Variants in YWHAG observed in about 807,000 individuals in gnomAD.
YWHAG encodes tyrosine 3-monooxygenase/tryptophan 5-monooxygenase activation protein gamma.
YWHAG carries 1 observed loss-of-function variant against 23.3 expected under a neutral mutation model. The ratio of observed to expected loss-of-function variants is 0.04; its 90% CI spans 0.02 to 0.20. The LOEUF (loss-of-function observed/expected upper bound fraction) is 0.20. Ranked by LOEUF, YWHAG falls within the 10% of genes least tolerant of loss-of-function variation. The pLI, the probability that YWHAG is intolerant of heterozygous loss-of-function variation, is 1.00. For synonymous variants in YWHAG, 160 were observed against 144.0 expected (o/e 1.11, Z -0.80); for missense variants, 151 against 338.6 (o/e 0.45, Z 4.35).
At position 76,329,487 on chromosome 7, in the gene YWHAG, T is replaced by C. The variant is rs1583981252; in HGVS notation, c.*90A>G. ...TCTCCCTGGGAAGGTCATCCCTCCC[T>C]TTCCCTCCCCCACCCGACCCCCAAC... is the stretch of plus-strand genomic sequence containing the variant. On this transcript the variant is annotated 3_prime_UTR_variant, in exon 2 of 2. Transcript: ENST00000307630. The surrounding 1 kb of genome is among the most constrained non-coding windows in gnomAD (Gnocchi z 6.1). 1.3e-6 allele frequency: 1 copy of C among 744,078 alleles called. No individual in the cohort carries two copies. The highest frequency in any genetic ancestry group is 4.5e-5 in the East Asian group (1 of 22,306). The allele number at this position is 744,078 out of a possible 1,614,324, so 46.1% of individuals were successfully genotyped here.
intron 1 of YWHAG, among the ~76,000 whole-genome samples, chr7:76,348,031 G>A (rs1803809920): frequency 6.6e-6 from 1 of 152,178 alleles, no homozygotes; most frequent in South Asian, 2.1e-4. Context: ...TGTCCTAAAG[G>A]AAATGAGTTC....
intron 1 of YWHAG, among the ~76,000 whole-genome samples, chr7:76,335,249 G>A (rs943545123): frequency 6.6e-6 from 1 of 151,982 alleles, no homozygotes; most frequent in Admixed American, 6.6e-5. Context: ...ATAGAGACGG[G>A]GTTTCATCAT....
At chr7:76,336,616 G>C (rs961467919) in intron 1 of YWHAG, among the ~76,000 whole-genome samples, 1 of 151,904 alleles carries the variant, frequency 6.6e-6, no homozygotes, top group African/African-American at 2.4e-5. Context: ...CACCACGCCT[G>C]GCTAAATTTT....
intron 1 of YWHAG, among the ~76,000 whole-genome samples, chr7:76,357,431 T>C (rs1803977132): frequency 6.6e-6 from 1 of 152,206 alleles, no homozygotes; most frequent in Non-Finnish European, 1.5e-5. Context: ...AATATTAAGA[T>C]AGTGGGGGCC....
chr7:76,330,288 A>G, intron 1 of YWHAG, 55 bp from the exon 2 acceptor site: 2 of 1,548,770 alleles, frequency 1.3e-6, no homozygotes, highest in South Asian at 2.4e-5. Context: ...CACTGGGTTA[A>G]CTGTATCTTT....
At chr7:76,346,772 A>G (rs539505060) in intron 1 of YWHAG, among the ~76,000 whole-genome samples, 1 of 152,160 alleles carries the variant, frequency 6.6e-6, no homozygotes, top group East Asian at 1.9e-4. Flanking sequence ...ATCTCGCCAC[A>G]CCAAAAATTA....
chr7:76,350,817 C>T (rs1366995001), intron 1 of YWHAG, among the ~76,000 whole-genome samples: 1 of 152,040 alleles, frequency 6.6e-6, no homozygotes, highest in Non-Finnish European at 1.5e-5. Flanking sequence ...GCACTCCACC[C>T]TGAGCAATAG....
intron 1 of YWHAG, among the ~76,000 whole-genome samples, chr7:76,344,902 T>A (rs1315520656): frequency 6.6e-6 from 1 of 151,972 alleles, no homozygotes; most frequent in Non-Finnish European, 1.5e-5. Flanking sequence ...CCCTTCAGGC[T>A]TTAGTCCTTC....
Position 76,344,835 on chromosome 7 carries a change from C to T in YWHAG, c.87+13887G>A, listed in dbSNP as rs1169240663. Reference sequence around the variant, plus strand: ...GTCAAACTCTTGTAACCTCCCAGTCCCCACTCTTACCTATAAGACTTACTC... The same window carrying T: ...GTCAAACTCTTGTAACCTCCCAGTCTCCACTCTTACCTATAAGACTTACTC... On this transcript the variant is annotated intron_variant, in intron 1 of 1. Coordinates refer to ENST00000307630, the MANE Select transcript of YWHAG (RefSeq NM_012479.4). Among the ~76,000 whole-genome samples, 7 of 152,172 alleles carry T rather than the reference C, an allele frequency of 4.6e-5. No homozygotes were observed. The East Asian group carries it at 1.3e-3, about 29-fold the overall frequency.
intron 1 of YWHAG, among the ~76,000 whole-genome samples, chr7:76,357,148 C>T (rs1803973891): frequency 6.6e-6 from 1 of 152,208 alleles, no homozygotes; most frequent in South Asian, 2.1e-4. Context: ...AGCATTAAAA[C>T]CTTGTAAGAC....
chr7:76,327,066 C>T lies in YWHAG; in HGVS notation c.*2511G>A, dbSNP rs886489399. ...TAATTTCACCATGACAAACACCAGA[C>T]ATTAAGATTAAGCTAACACTGGTGT... On this transcript the variant is annotated 3_prime_UTR_variant, in exon 2 of 2. Coordinates refer to ENST00000307630, the MANE Select transcript of YWHAG (RefSeq NM_012479.4). 6.6e-6 allele frequency: 1 copy of T among 152,526 alleles called. No homozygotes were observed. Among genetic ancestry groups the T allele is most frequent in the African/African-American group, 2.4e-5 (1 of 41,420 alleles). 9.4% of individuals were successfully genotyped at this position (152,526 alleles called of 1,614,324 possible). A position where few individuals can be genotyped will look rare whatever the true frequency, so the allele number is the denominator to read the frequency against.
At position 76,327,668 on chromosome 7, in the gene YWHAG, G is replaced by GCCCCCCCCCCCCC. The variant is rs71085403; in HGVS notation, c.*1908_*1909insGGGGGGGGGGGGG. The GCCCCCCCCCCCCC allele has an allele frequency of 1.0e-3, 49 of 47,108 alleles. 1 individual carries two copies. The highest frequency in any genetic ancestry group is 1.6e-3 in the African/African-American group (13 of 7,894). 2.9% of individuals were successfully genotyped at this position (47,108 alleles called of 1,614,324 possible). A position where few individuals can be genotyped will look rare whatever the true frequency, so the allele number is the denominator to read the frequency against. On this transcript the variant is annotated 3_prime_UTR_variant, in exon 2 of 2. Transcript: ENST00000307630. ...AATTAGGGAAAGCCCCACCTACCCTGCCCCCCCCCCCCTCCCCCCCCAAAT... is the reference window on the plus strand; with the variant it reads ...AATTAGGGAAAGCCCCACCTACCCTGCCCCCCCCCCCCCCCCCCCCCCCCCTCCCCCCCCAAAT...
intron 1 of YWHAG, among the ~76,000 whole-genome samples, chr7:76,343,847 A>C (rs1289260754): frequency 6.6e-6 from 1 of 152,214 alleles, no homozygotes; most frequent in African/African-American, 2.4e-5. Context: ...GGGTGAGGCC[A>C]CTGCAGTTCA....
intron 1 of YWHAG, among the ~76,000 whole-genome samples, chr7:76,348,552 C>T (rs1361746622): frequency 2.6e-5 from 4 of 151,816 alleles, no homozygotes; most frequent in East Asian, 3.9e-4. Context: ...TACAGGTGAC[C>T]GCCACCACGC....
Position 76,330,054 on chromosome 7 carries a change from T to C in YWHAG, c.267A>G (p.Ile89Met). The C allele has an allele frequency of 6.2e-7, 1 of 1,614,198 alleles. No homozygotes were observed. The highest frequency in any genetic ancestry group is 8.5e-7 in the Non-Finnish European group (1 of 1,180,038). The change falls in exon 2 of 2, where the codon ATA becomes ATG. Residue 89 changes from isoleucine (I) to methionine (M), a missense_variant. Transcript: ENST00000307630. ...GGCACACAGCCTCCAACTCCTTCTCTATCTTCTCCCGGTACGCACGGACCA... is the reference window on the plus strand; with the variant it reads ...GGCACACAGCCTCCAACTCCTTCTCCATCTTCTCCCGGTACGCACGGACCA... ...IEMVRAYREK[I>M]EKELEAVCQD...
chr7:76,342,442 T>C (rs150520107), intron 1 of YWHAG, among the ~76,000 whole-genome samples: 5 of 152,228 alleles, frequency 3.3e-5, no homozygotes, highest in Non-Finnish European at 2.9e-5. Context: ...CTGTGAGAAC[T>C]TGGTTGAATT....
chr7:76,339,981 C>T (rs1180006055), intron 1 of YWHAG, among the ~76,000 whole-genome samples: 2 of 151,904 alleles, frequency 1.3e-5, no homozygotes, highest in Non-Finnish European at 2.9e-5. Flanking sequence ...CCCAGCTACT[C>T]GGGAGGCTGA....
intron 1 of YWHAG, among the ~76,000 whole-genome samples, chr7:76,342,576 G>C (rs1488327825): frequency 1.3e-5 from 2 of 152,088 alleles, no homozygotes; most frequent in African/African-American, 4.8e-5. Context: ...TTTGAAACTG[G>C]CGAGACTGGT....
intron 1 of YWHAG, among the ~76,000 whole-genome samples, chr7:76,352,294 T>C (rs993955761): frequency 1.3e-5 from 2 of 152,196 alleles, no homozygotes; most frequent in Non-Finnish European, 2.9e-5. Context: ...ACCTGGCTTT[T>C]TAAAGCCTTC....
Sources: gnomAD v4.1 joint callset for allele counts (sites outside exome capture counted in the v4.1 genomes callset) on GRCh38, gnomAD v4.1.1 for gene constraint, Gnocchi (gnomAD v3.1) non-coding constraint, MANE v1.5 for transcripts, NCBI Gene and HGNC (gene_info 2026-07-23, HGNC 2026-07-21) for gene names.